The following CYTH3 variants were observed in gnomAD, a reference collection of about 807,000 sequenced individuals.
The protein encoded by CYTH3 is cytohesin-3.
CYTH3 carries 23 observed loss-of-function variants against 55.1 expected under a neutral mutation model. That is an observed-to-expected ratio of 0.42 (90% CI 0.30 to 0.59). The LOEUF is 0.59. Ranked by LOEUF, CYTH3 falls within the 20% of genes least tolerant of loss-of-function variation. The probability of loss-of-function intolerance (pLI) is 0.20; values close to 1 mark genes in which losing one functional copy is unlikely to be tolerated. For missense variants in CYTH3, 413 were observed against 524.8 expected, an observed-to-expected ratio of 0.79 and a Z score of 2.08; for synonymous variants, 249 against 194.9, an observed-to-expected ratio of 1.28 and a Z score of -2.31.
At chr7:6,220,452 G>A (rs1368030031) in intron 1 of CYTH3, among the ~76,000 whole-genome samples, 4 of 151,558 alleles carry the variant, frequency 2.6e-5, no homozygotes, top group Non-Finnish European at 4.4e-5. Context: ...AAACGTGACT[G>A]AGAATCCATA....
At chr7:6,168,431 C>A (rs1475179737) in intron 9 of CYTH3, among the ~76,000 whole-genome samples, 1 of 152,072 alleles carries the variant, frequency 6.6e-6, no homozygotes, top group Non-Finnish European at 1.5e-5. Context: ...CCTGGAAGCA[C>A]GTTCTAGATC....
chr7:6,232,299 C>G (rs978815263), intron 1 of CYTH3, among the ~76,000 whole-genome samples: 6 of 152,140 alleles, frequency 3.9e-5, no homozygotes, highest in African/African-American at 1.4e-4. Flanking sequence ...AGAAGCACCC[C>G]GGGACACACT....
intron 4 of CYTH3, among the ~76,000 whole-genome samples, chr7:6,179,758 CA>C: frequency 8.0e-6 from 1 of 125,310 alleles, no homozygotes. Flanking sequence ...CCCACACCCC[CA>C]CCACACACAC....
intron 1 of CYTH3, among the ~76,000 whole-genome samples, chr7:6,255,837 C>G (rs998529930): frequency 6.9e-6 from 1 of 145,472 alleles, no homozygotes; most frequent in Admixed American, 7.1e-5. Context: ...GATCTCTGCT[C>G]ACTACAAGCT....
chr7:6,179,894 ACC>A (rs1783460950), intron 4 of CYTH3, among the ~76,000 whole-genome samples: 2 of 114,702 alleles, frequency 1.7e-5, no homozygotes, highest in African/African-American at 6.9e-5. Context: ...CACCACACAC[ACC>A]CACACACAAC....
At chr7:6,216,297 C>T (rs1174757993) in intron 1 of CYTH3, among the ~76,000 whole-genome samples, 2 of 152,042 alleles carry the variant, frequency 1.3e-5, no homozygotes, top group African/African-American at 4.8e-5. Context: ...AAGGGTTCTA[C>T]ATTTCATTTG....
At position 6,259,759 on chromosome 7, in the gene CYTH3, ATATATATATATAT is replaced by A. The variant is rs1490401341; in HGVS notation, c.34+12702_34+12714del. ...CATATATATAATATATATATATATT[ATATATATATATAT>A]TATATATATATAATATATATATATA... On this transcript the variant is annotated intron_variant, in intron 1 of 12. Coordinates refer to ENST00000350796, the MANE Select transcript of CYTH3 (RefSeq NM_004227.4). Among the ~76,000 whole-genome samples the A allele has an allele frequency of 8.0e-3, 213 of 26,580 alleles. 17 individuals carry two copies. The highest frequency in any genetic ancestry group is 0.025 in the Middle Eastern group (1 of 40). The allele number at this position is 26,580 out of a possible 152,430, so 17.4% of individuals were successfully genotyped here.
At chr7:6,177,778 G>T in intron 5 of CYTH3, 45 bp downstream of exon 5, 2 of 1,458,858 alleles carry the variant, frequency 1.4e-6, no homozygotes, top group South Asian at 1.1e-5. Context: ...CAAGCTGCAG[G>T]GCTGAGTGGC....
chr7:6,203,513 G>A, intron 1 of CYTH3, among the ~76,000 whole-genome samples: 1 of 152,238 alleles, frequency 6.6e-6, no homozygotes, highest in Admixed American at 6.5e-5. Flanking sequence ...AGTCTCAGCA[G>A]AAAATTCTGC....
chr7:6,221,324 G>T (rs1289646284), intron 1 of CYTH3, among the ~76,000 whole-genome samples: 1 of 152,130 alleles, frequency 6.6e-6, no homozygotes, highest in African/African-American at 2.4e-5. Context: ...GTCTGAAAAG[G>T]TTACATATTA....
intron 1 of CYTH3, among the ~76,000 whole-genome samples, chr7:6,216,569 T>C (rs538286095): frequency 1.3e-5 from 2 of 151,346 alleles, no homozygotes; most frequent in South Asian, 2.1e-4. Context: ...CAAGACCCCA[T>C]CTCTACAAAA....
chr7:6,246,232 ATT>A lies in CYTH3; in HGVS notation c.34+26240_34+26241del, dbSNP rs113021891. Among the ~76,000 whole-genome samples the A allele has an allele frequency of 1.2e-4, 17 of 141,406 alleles. 1 individual carries two copies. Among genetic ancestry groups the A allele is most frequent in the East Asian group, 1.0e-3 (5 of 4,886 alleles). 92.8% of individuals were successfully genotyped at this position (141,406 alleles called of 152,430 possible). The stretch of plus-strand genomic sequence containing the variant: ...AGTAGCATGCCACAACACCTGGATA[ATT>A]TTTTTTTTTTTTTTAAAAGAGACAG... On this transcript the variant is annotated intron_variant, in intron 1 of 12. Coordinates refer to ENST00000350796, the MANE Select transcript of CYTH3 (RefSeq NM_004227.4).
intron 2 of CYTH3, among the ~76,000 whole-genome samples, chr7:6,189,345 G>C (rs10253733): frequency 0.15 from 22,335 of 151,492 alleles, 3,084 homozygotes; most frequent in African/African-American, 0.36. Flanking sequence ...GTCTTGCTCT[G>C]TTGCCCAGTC....
intron 2 of CYTH3, 145 bp from the exon 3 acceptor site, chr7:6,187,866 T>C (rs1276726581): frequency 5.8e-6 from 4 of 694,926 alleles, no homozygotes; most frequent in Non-Finnish European, 1.0e-5. Context: ...CTATTATCAA[T>C]ACAGCTAGAG....
intron 1 of CYTH3, among the ~76,000 whole-genome samples, chr7:6,220,655 A>T (rs1356627622): frequency 1.3e-5 from 2 of 151,990 alleles, no homozygotes; most frequent in African/African-American, 4.8e-5. Flanking sequence ...GTGGGAACAT[A>T]AAATGTTATA....
chr7:6,173,037 G>C, intron 6 of CYTH3: 1 of 1,074,846 alleles, frequency 9.3e-7, no homozygotes, highest in South Asian at 2.2e-5. Flanking sequence ...ACTCCCACCA[G>C]AAGCCCTGCC....
chr7:6,246,881 G>A (rs1779833742), intron 1 of CYTH3, among the ~76,000 whole-genome samples: 1 of 152,056 alleles, frequency 6.6e-6, no homozygotes, highest in Non-Finnish European at 1.5e-5. Flanking sequence ...TCAATTCAAT[G>A]TCAGTATTTT....
At chr7:6,213,744 T>A (rs1784370629) in intron 1 of CYTH3, among the ~76,000 whole-genome samples, 1 of 151,812 alleles carries the variant, frequency 6.6e-6, no homozygotes, top group Non-Finnish European at 1.5e-5. Flanking sequence ...ATTCCTCAGT[T>A]AATTCAAGAT....
At chr7:6,173,394 T>A (rs987026249) in intron 6 of CYTH3, among the ~76,000 whole-genome samples, 1 of 152,072 alleles carries the variant, frequency 6.6e-6, no homozygotes, top group Admixed American at 6.6e-5. Flanking sequence ...CCATTACAAA[T>A]AAAAGGAAAC....
Sources: allele counts gnomAD v4.1 joint callset (sites outside exome capture counted in the v4.1 genomes callset), GRCh38; gene constraint gnomAD v4.1.1; transcripts MANE v1.5; gene names NCBI Gene and HGNC (gene_info 2026-07-23, HGNC 2026-07-21).